The following NECTIN2 variants were observed in gnomAD, a reference collection of about 807,000 sequenced individuals.
NECTIN2 encodes nectin cell adhesion molecule 2, also known as nectin-2.
Under a neutral mutation model 56.9 loss-of-function variants are expected in NECTIN2, and 23 were observed. The observed-to-expected ratio is 0.40, with a 90% confidence interval of 0.29 to 0.57. The LOEUF is 0.57. Ranked by LOEUF, NECTIN2 falls within the 20% of genes least tolerant of loss-of-function variation. NECTIN2 has a pLI of 0.38. For synonymous variants in NECTIN2, 302 were observed against 313.8 expected (o/e 0.96, Z 0.40); for missense variants, 587 against 718.3 (o/e 0.82, Z 2.09).
At chr19:44,880,064 GTCCAGCGTCCTCTGGAAGCT>G (rs1179226108) in intron 5 of NECTIN2, among the ~76,000 whole-genome samples, 1 of 152,202 alleles carries the variant, frequency 6.6e-6, no homozygotes, top group Non-Finnish European at 1.5e-5. Flanking sequence ...AGATCCAACA[GTCCAGCGTCCTCTGGAAGCT>G]TCCTCCTCAT....
chr19:44,862,655 AT>A (rs1969046746), intron 1 of NECTIN2, among the ~76,000 whole-genome samples: 1 of 152,098 alleles, frequency 6.6e-6, no homozygotes, highest in African/African-American at 2.4e-5. Context: ...ATACACAAAG[AT>A]TGGAATAATG....
chr19:44,869,721 G>A (rs576039111), intron 2 of NECTIN2, among the ~76,000 whole-genome samples: 3 of 152,138 alleles, frequency 2.0e-5, no homozygotes, highest in African/African-American at 7.2e-5. Flanking sequence ...CAGGGGCCAA[G>A]GCAAGCAGCT....
chr19:44,883,579 C>T (rs1969330860), intron 6 of NECTIN2, among the ~76,000 whole-genome samples: 1 of 152,296 alleles, frequency 6.6e-6, no homozygotes, highest in African/African-American at 2.4e-5. Context: ...CCAGCCAATG[C>T]CAGCACTTTG....
intron 5 of NECTIN2, among the ~76,000 whole-genome samples, chr19:44,879,388 C>A (rs1214295827): frequency 1.3e-5 from 2 of 152,062 alleles, no homozygotes; most frequent in African/African-American, 2.4e-5. Context: ...GAGCCTCAGA[C>A]CTCAACTCCC....
chr19:44,867,991 C>T (rs911774183), intron 2 of NECTIN2, among the ~76,000 whole-genome samples: 3 of 151,898 alleles, frequency 2.0e-5, no homozygotes, highest in African/African-American at 7.3e-5. Context: ...CAGAGGGAAG[C>T]GGGCGGCATA....
At position 44,875,990 on chromosome 19, in the gene NECTIN2, C is replaced by T. The variant is rs566389330; in HGVS notation, c.1042+1512C>T. On this transcript the variant is annotated intron_variant, in intron 5 of 8. Coordinates refer to ENST00000252483, the MANE Select transcript of NECTIN2 (RefSeq NM_001042724.2). This position sits in a 1 kb window ranked among gnomAD's most constrained non-coding sequence, Gnocchi z 4.2. ...GGGCAAAACTAATCCAGGACAGCAA[C>T]GGCTGCACACGGAGGAATGTCATCC... Among the ~76,000 whole-genome samples, 4 of 152,230 alleles carry T rather than the reference C, an allele frequency of 2.6e-5. No individual in the cohort carries two copies. Among genetic ancestry groups the T allele is most frequent in the East Asian group, 3.9e-4 (2 of 5,172 alleles).
chr19:44,877,923 T>C (rs1314690846), intron 5 of NECTIN2, among the ~76,000 whole-genome samples: 3 of 152,134 alleles, frequency 2.0e-5, no homozygotes, highest in Non-Finnish European at 4.4e-5. Flanking sequence ...TTTTGAAAGG[T>C]TGGCTAGCAA....
chr19:44,888,068 G>A lies in NECTIN2; in HGVS notation c.1348-42G>A, dbSNP rs745696335. 38 of 1,589,770 alleles carry A rather than the reference G, an allele frequency of 2.4e-5. No homozygotes were observed. The Admixed American group carries it at 2.7e-4, about 11-fold the overall frequency. The stretch of plus-strand genomic sequence containing the variant: ...AGCAGATTGGTAATCTGTGTCGTGC[G>A]TAGGAAGTGATCTTGAGTTCCTGTC... On this transcript the variant is annotated intron_variant, in intron 8 of 8. Coordinates refer to ENST00000252483, the MANE Select transcript of NECTIN2 (RefSeq NM_001042724.2).
intron 2 of NECTIN2, among the ~76,000 whole-genome samples, chr19:44,866,994 A>T (rs1969108424): frequency 6.6e-6 from 1 of 151,992 alleles, no homozygotes; most frequent in African/African-American, 2.4e-5. Flanking sequence ...GCAACATAGT[A>T]AGACTCTTGT....
intron 1 of NECTIN2, among the ~76,000 whole-genome samples, chr19:44,851,141 C>T (rs1293835958): frequency 6.7e-6 from 1 of 150,352 alleles, no homozygotes; most frequent in Non-Finnish European, 1.5e-5. Context: ...CATCCCTAAT[C>T]CCTCAGACCT....
rs1599916785 is a variant in NECTIN2 at position 44,865,729 on chromosome 19, C to T, written c.478+69C>T. 1 of 1,420,896 alleles carries T rather than the reference C, an allele frequency of 7.0e-7. No individual in the cohort carries two copies. The highest frequency in any genetic ancestry group is 1.5e-5 in the South Asian group (1 of 67,510). The allele number at this position is 1,420,896 out of a possible 1,614,324, so 88.0% of individuals were successfully genotyped here. ...GGTGTGGGAGCATCCCCTTGCGGGT[C>T]AGTTTCTCTCTTGGCTTCAGCTGTG... is the stretch of plus-strand genomic sequence containing the variant. On this transcript the variant is annotated intron_variant, in intron 2 of 8. Coordinates refer to ENST00000252483, the MANE Select transcript of NECTIN2 (RefSeq NM_001042724.2). This position sits in a 1 kb window ranked among gnomAD's most constrained non-coding sequence, Gnocchi z 5.2.
intron 1 of NECTIN2, among the ~76,000 whole-genome samples, chr19:44,849,706 G>A (rs1390762477): frequency 2.0e-5 from 3 of 152,146 alleles, no homozygotes; most frequent in Admixed American, 1.3e-4. Flanking sequence ...AGACCAGAAG[G>A]CTTGTGAGAA....
At chr19:44,881,924 T>G in intron 5 of NECTIN2, 1 of 277,020 alleles carries the variant, frequency 3.6e-6, no homozygotes. Flanking sequence ...ATCTGGCATG[T>G]GAGCTATTGT....
At chr19:44,854,921 C>G (rs1338890066) in intron 1 of NECTIN2, among the ~76,000 whole-genome samples, 1 of 151,322 alleles carries the variant, frequency 6.6e-6, no homozygotes, top group African/African-American at 2.4e-5. Flanking sequence ...GTCAGGAGAT[C>G]GAGACCATCC....
At chr19:44,870,054 C>T (rs899314989) in intron 2 of NECTIN2, among the ~76,000 whole-genome samples, 3 of 152,146 alleles carry the variant, frequency 2.0e-5, no homozygotes, top group African/African-American at 4.8e-5. Flanking sequence ...CTTCATGATG[C>T]GTGAGCCACC....
chr19:44,864,269 G>A (rs1385562819), intron 1 of NECTIN2, among the ~76,000 whole-genome samples: 1 of 152,096 alleles, frequency 6.6e-6, no homozygotes, highest in African/African-American at 2.4e-5. Context: ...AGTGAGCTGG[G>A]TGGCCCACTG....
At chr19:44,883,577 T>C (rs1236249375) in intron 6 of NECTIN2, among the ~76,000 whole-genome samples, 3 of 152,172 alleles carry the variant, frequency 2.0e-5, no homozygotes, top group African/African-American at 4.8e-5. Flanking sequence ...GCCCAGCCAA[T>C]GCCAGCACTT....
intron 5 of NECTIN2, chr19:44,878,658 CCCGCCCCCGACCTGACCACGCCGGCCTAG>C (rs1365464560): frequency 6.4e-7 from 1 of 1,553,754 alleles, no homozygotes; most frequent in Admixed American, 1.8e-5. Context: ...GCCCGGCCCT[CCCGCCCCCGACCTGACCACGCCGGCCTAG>C]GGTTCCAGAC....
At chr19:44,872,611 TG>T (rs1214276980) in intron 3 of NECTIN2, among the ~76,000 whole-genome samples, 1 of 151,938 alleles carries the variant, frequency 6.6e-6, no homozygotes, top group Non-Finnish European at 1.5e-5. Flanking sequence ...ACACTGCCCC[TG>T]GACCGTTAGA....
Sources: gnomAD v4.1 joint callset for allele counts (sites outside exome capture counted in the v4.1 genomes callset) on GRCh38, gnomAD v4.1.1 for gene constraint, Gnocchi (gnomAD v3.1) non-coding constraint, MANE v1.5 for transcripts, NCBI Gene and HGNC (gene_info 2026-07-23, HGNC 2026-07-21) for gene names.